Variants in CEMIP observed in about 807,000 individuals in gnomAD.
The protein encoded by CEMIP is cell migration-inducing and hyaluronan-binding protein.
In CEMIP, 105 loss-of-function variants were observed where a neutral mutation model predicts 156.9. That is an observed-to-expected ratio of 0.67 (90% confidence interval 0.57 to 0.79). The LOEUF is 0.79. CEMIP is among the 30% of genes least tolerant of loss of function. CEMIP has a pLI of 0.00. For missense variants in CEMIP, 1,457 were observed against 1,769.4 expected (o/e 0.82, Z 3.17); for synonymous variants, 676 against 668.4 (o/e 1.01, Z -0.17).
chr15:80,930,101 C>A (rs1339470435), intron 21 of CEMIP, among the ~76,000 whole-genome samples: 1 of 152,244 alleles, frequency 6.6e-6, no homozygotes, highest in East Asian at 1.9e-4. Context: ...TCTGTCTGAG[C>A]TTTCTACTCT....
chr15:80,867,907 A>G (rs1898173581), intron 1 of CEMIP, among the ~76,000 whole-genome samples: 1 of 152,160 alleles, frequency 6.6e-6, no homozygotes, highest in East Asian at 1.9e-4. Context: ...TACCTGACCC[A>G]GGAGAGGAGG....
In CEMIP at chr15:80,942,009, G is replaced by A. The variant is rs751498274; in HGVS notation, c.3568G>A (p.Val1190Ile). 1 of 1,613,956 alleles carries A rather than the reference G, an allele frequency of 6.2e-7. No homozygotes were observed. The highest frequency in any genetic ancestry group is 8.5e-7 in the Non-Finnish European group (1 of 1,179,974). ...TTACCCCAAGTTCACCGAGAGGGCT[G>A]TCGTAGACGTGCCGATGCCCAAGAA... ...TAYPKFTERA[V>I]VDVPMPKKLF... The change falls in exon 26 of 30, where the codon GTC (valine) becomes ATC (isoleucine). Residue 1190 changes from valine to isoleucine, a missense_variant. Coordinates refer to ENST00000394685, the MANE Select transcript of CEMIP (RefSeq NM_001293298.2).
chr15:80,882,254 T>C (rs1292704543), intron 6 of CEMIP, among the ~76,000 whole-genome samples: 1 of 152,232 alleles, frequency 6.6e-6, no homozygotes, highest in Non-Finnish European at 1.5e-5. Context: ...CGTAAAACAC[T>C]GTTCATCACT....
intron 16 of CEMIP, 111 bp downstream of exon 16, chr15:80,921,212 T>A (rs1596192783): frequency 1.0e-6 from 1 of 992,696 alleles, no homozygotes; most frequent in Admixed American, 2.0e-5. Context: ...AGCCCAGATA[T>A]CCATGCAGAC....
chr15:80,794,230 A>AT (rs1448246800), intron 1 of CEMIP, among the ~76,000 whole-genome samples: 21 of 152,214 alleles, frequency 1.4e-4, no homozygotes, highest in African/African-American at 4.3e-4. Flanking sequence ...CTCACACAAA[A>AT]TAACAGTGAG....
chr15:80,923,125 G>A (rs904217431), intron 17 of CEMIP, among the ~76,000 whole-genome samples: 1 of 152,200 alleles, frequency 6.6e-6, no homozygotes, highest in Non-Finnish European at 1.5e-5. Context: ...GGTGGGGCAA[G>A]GGGTAAGCAG....
rs1899205057 is a variant in CEMIP, at chr15:80,895,970, A to G, written c.1321A>G (p.Ile441Val). 2.5e-6 allele frequency: 4 copies of G among 1,614,060 alleles called. No homozygotes were observed. Among genetic ancestry groups the G allele is most frequent in the African/African-American group, 1.3e-5 (1 of 74,916 alleles). ...QSWKPGDTLV[I>V]ASTDYSMYQA... ...ATGGAAACCTGGAGATACCCTGGTCATTGCCAGTACTGATTACTCCATGTA... is the reference window on the plus strand; with the variant it reads ...ATGGAAACCTGGAGATACCCTGGTCGTTGCCAGTACTGATTACTCCATGTA... Residue 441 changes from isoleucine (I) to valine (V), a missense_variant, in exon 12 of 30, where the codon ATT becomes GTT. Physicochemically the swap from Ile to Val is conservative, Grantham distance 29. This residue lies in a region of CEMIP where 280 missense variants were observed against 300.3 expected (regional missense o/e 0.93). Coordinates refer to ENST00000394685, the MANE Select transcript of CEMIP (RefSeq NM_001293298.2).
In CEMIP at chr15:80,792,467, G is replaced by T. The variant is rs145133510; in HGVS notation, c.-176+12853G>T. ...TGGTTAGCTGCTTGACTTTGGACAGGTTACTTCACCTTTCTGTGCCTCAGT... is the reference window on the plus strand; with the variant it reads ...TGGTTAGCTGCTTGACTTTGGACAGTTTACTTCACCTTTCTGTGCCTCAGT... On this transcript the variant is annotated intron_variant, in intron 1 of 29. Transcript: ENST00000394685. 4.2e-4 allele frequency among the ~76,000 whole-genome samples: 64 copies of T among 152,210 alleles called. 1 individual carries two copies. The East Asian group carries it at 0.012, about 29-fold the overall frequency.
intron 19 of CEMIP, 91 bp downstream of exon 19, chr15:80,925,846 G>T (rs1041641634): frequency 5.9e-6 from 9 of 1,514,416 alleles, no homozygotes; most frequent in Non-Finnish European, 7.9e-6. Context: ...AAAGCAGAGA[G>T]GGGAAGCCAG....
In CEMIP at chr15:80,878,959, G is replaced by C. The variant is rs911556838; in HGVS notation, c.241+92G>C. ...AGGTTGCCATGAGCTCAGATGGACA[G>C]AATAAACATCACATGCTTTGGGTTC... is the stretch of plus-strand genomic sequence containing the variant. On this transcript the variant is annotated intron_variant, in intron 4 of 29. Transcript: ENST00000394685. The C allele has an allele frequency of 8.2e-6, 12 of 1,470,694 alleles. No homozygotes were observed. The African/African-American group carries it at 1.7e-4, about 20-fold the overall frequency. The allele number at this position is 1,470,694 out of a possible 1,614,324, so 91.1% of individuals were successfully genotyped here.
intron 1 of CEMIP, among the ~76,000 whole-genome samples, chr15:80,852,578 A>G (rs998059331): frequency 6.6e-6 from 1 of 152,142 alleles, no homozygotes; most frequent in African/African-American, 2.4e-5. Context: ...CTCTGCCATC[A>G]TCTTCTTTCA....
rs183163306 is a variant in CEMIP, at chr15:80,864,423, T to C, written c.-175-9115T>C. ...TGAAAAAGGCTACCCTAAAAGCCCA[T>C]GTAGTAAGCCAGGCTGACGGTCAGC... On this transcript the variant is annotated intron_variant, in intron 1 of 29. Coordinates refer to ENST00000394685, the MANE Select transcript of CEMIP (RefSeq NM_001293298.2). Among the ~76,000 whole-genome samples, 14 of 152,286 alleles carry C rather than the reference T, an allele frequency of 9.2e-5. No individual in the cohort carries two copies. The East Asian group carries it at 2.7e-3, about 29-fold the overall frequency.
chr15:80,865,927 C>A (rs1216607458), intron 1 of CEMIP, among the ~76,000 whole-genome samples: 1 of 152,108 alleles, frequency 6.6e-6, no homozygotes, highest in African/African-American at 2.4e-5. Flanking sequence ...ACTGGGGGAT[C>A]CTTAAGGGTG....
At chr15:80,784,731 G>A (rs556979323) in intron 1 of CEMIP, among the ~76,000 whole-genome samples, 17 of 152,174 alleles carry the variant, frequency 1.1e-4, no homozygotes, top group Non-Finnish European at 1.6e-4. Context: ...ACAGGGGCAC[G>A]TGTTAAAGTG....
intron 9 of CEMIP, 47 bp downstream of exon 9, chr15:80,888,843 G>C: frequency 1.4e-6 from 2 of 1,431,284 alleles, no homozygotes; most frequent in Non-Finnish European, 2.0e-6. Flanking sequence ...TGGGATAGAA[G>C]ACCAGAAATC....
At position 80,849,758 on chromosome 15, in the gene CEMIP, G is replaced by T. The variant is rs550316103; in HGVS notation, c.-175-23780G>T. Among the ~76,000 whole-genome samples, 5 of 152,288 alleles carry T rather than the reference G, an allele frequency of 3.3e-5. No homozygotes were observed. The South Asian group carries it at 1.0e-3, about 32-fold the overall frequency. ...TATCAGGGAGGTTCTCAAAAATGAG[G>T]CCAGATTGAAATATACTAAAGGAAG... On this transcript the variant is annotated intron_variant, in intron 1 of 29. Transcript: ENST00000394685.
At chr15:80,859,461 T>A (rs1446755118) in intron 1 of CEMIP, among the ~76,000 whole-genome samples, 1 of 152,266 alleles carries the variant, frequency 6.6e-6, no homozygotes, top group Non-Finnish European at 1.5e-5. Flanking sequence ...CTGGCAATGA[T>A]GCCCTATCTG....
intron 23 of CEMIP, among the ~76,000 whole-genome samples, 174 bp downstream of exon 23, chr15:80,933,634 A>C (rs956038772): frequency 2.0e-5 from 3 of 152,098 alleles, no homozygotes; most frequent in Admixed American, 6.5e-5. Flanking sequence ...GATTTTTACA[A>C]AGTTAAAGTC....
At position 80,932,003 on chromosome 15, in the gene CEMIP, T is replaced by C. The variant is rs1369945490; in HGVS notation, c.2757T>C (p.His919=). The change falls in exon 22 of 30, where the codon CAT becomes CAC. Residue 919 remains histidine (H), a synonymous_variant. Transcript: ENST00000394685. This position sits in a 1 kb window ranked among gnomAD's most constrained non-coding sequence, Gnocchi z 4.5. ...RLNNAWQSCP[H]NNVTGIAFED... ...ATAATGCCTGGCAGAGCTGCCCCCATAACAACGTGACCGGCATTGCCTTTG... is the reference window on the plus strand; with the variant it reads ...ATAATGCCTGGCAGAGCTGCCCCCACAACAACGTGACCGGCATTGCCTTTG... 1.9e-6 allele frequency: 3 copies of C among 1,613,956 alleles called. No individual in the cohort carries two copies. Among genetic ancestry groups the C allele is most frequent in the Non-Finnish European group, 1.7e-6 (2 of 1,180,024 alleles).
Sources: gnomAD v4.1 joint callset for allele counts (sites outside exome capture counted in the v4.1 genomes callset) on GRCh38, gnomAD v4.1.1 for gene constraint, gnomAD v4.1.1 regional missense constraint, Gnocchi (gnomAD v3.1) non-coding constraint, MANE v1.5 for transcripts, NCBI Gene and HGNC (gene_info 2026-07-23, HGNC 2026-07-21) for gene names.